The following MSH3 variants were observed in gnomAD, a reference collection of about 807,000 sequenced individuals.
MSH3 encodes DNA mismatch repair protein Msh3.
In MSH3, 106 loss-of-function variants were observed where a neutral mutation model predicts 123.3. The ratio of observed to expected loss-of-function variants is 0.86; its 90% CI spans 0.73 to 1.01. The LOEUF (loss-of-function observed/expected upper bound fraction) is 1.01. Ranked by LOEUF, MSH3 falls within the 50% of genes least tolerant of loss-of-function variation. The pLI is 0.00. For synonymous variants in MSH3, 515 were observed against 481.4 expected (o/e 1.07, Z -0.91); for missense variants, 1,459 against 1,347.6 (o/e 1.08, Z -1.29).
intron 2 of MSH3, among the ~76,000 whole-genome samples, chr5:80,661,847 T>C (rs1312356589): frequency 6.6e-6 from 1 of 152,252 alleles, no homozygotes; most frequent in South Asian, 2.1e-4. Flanking sequence ...CTTTGGTCTT[T>C]TTAAGGATTG....
rs989920539 is a variant in MSH3, at chr5:80,692,615, T to G, written c.1340+13522T>G. On this transcript the variant is annotated intron_variant, in intron 8 of 23. Coordinates refer to ENST00000265081, the MANE Select transcript of MSH3 (RefSeq NM_002439.5). ...ATGTATATGTTTATATAGATGAATA[T>G]ATATAAACATGTATATGTTTATATA... Among the ~76,000 whole-genome samples, 23 of 146,900 alleles carry G rather than the reference T, an allele frequency of 1.6e-4. No homozygotes were observed. The South Asian group carries it at 4.0e-3, about 25-fold the overall frequency.
intron 17 of MSH3, among the ~76,000 whole-genome samples, chr5:80,785,081 T>A (rs1018546544): frequency 6.6e-6 from 1 of 152,212 alleles, no homozygotes; most frequent in Non-Finnish European, 1.5e-5. Flanking sequence ...TAGTGTAATC[T>A]GGATATCTTT....
At chr5:80,733,800 A>G (rs1004000917) in intron 10 of MSH3, among the ~76,000 whole-genome samples, 2 of 152,176 alleles carry the variant, frequency 1.3e-5, no homozygotes, top group Admixed American at 6.5e-5. Flanking sequence ...TAGGATGGCT[A>G]TAACTAGGAA....
intron 10 of MSH3, among the ~76,000 whole-genome samples, chr5:80,729,430 ATGTGTGTG>A (rs71594671): frequency 1.3e-5 from 1 of 78,376 alleles, no homozygotes; most frequent in Non-Finnish European, 2.3e-5. Flanking sequence ...AAAAAAAAAA[ATGTGTGTG>A]TGTGTGTGTG....
At chr5:80,792,335 G>A (rs913344177) in intron 18 of MSH3, among the ~76,000 whole-genome samples, 51 of 151,896 alleles carry the variant, frequency 3.4e-4, no homozygotes, top group Non-Finnish European at 7.2e-4. Context: ...AGGAGCTTGA[G>A]GCTGTAGTGT....
chr5:80,654,923 CCCCCAGCTCCCGCCTTCCCG>C lies in MSH3; in HGVS notation c.205_224del (p.Pro69AlafsTer9). On this transcript the variant is annotated frameshift_variant, in exon 1 of 24. Transcript: ENST00000265081. LOFTEE classifies it high-confidence loss of function. ...CGCAGCGGCCGCAGCGCCCCCAGCG[CCCCCAGCTCCCGCCTTCCCG>C]CCCCAGCTGCCGCCGCACATAGTAG... 1 of 818,622 alleles carries C rather than the reference CCCCCAGCTCCCGCCTTCCCG, an allele frequency of 1.2e-6. No homozygotes were observed. Among genetic ancestry groups the C allele is most frequent in the Non-Finnish European group, 1.7e-6 (1 of 603,182 alleles). 50.7% of individuals were successfully genotyped at this position (818,622 alleles called of 1,614,324 possible). A position where few individuals can be genotyped will look rare whatever the true frequency, so the allele number is the denominator to read the frequency against.
At chr5:80,865,481 C>A (rs908012438) in intron 22 of MSH3, among the ~76,000 whole-genome samples, 7 of 151,860 alleles carry the variant, frequency 4.6e-5, no homozygotes, top group Non-Finnish European at 8.8e-5. Context: ...GAATTCACTT[C>A]TTCTGCTTCT....
chr5:80,771,970 G>A (rs1744220654), intron 15 of MSH3, among the ~76,000 whole-genome samples: 1 of 152,084 alleles, frequency 6.6e-6, no homozygotes, highest in South Asian at 2.1e-4. Context: ...TGTAATGAAC[G>A]TATGTATGAA....
chr5:80,712,745 A>G (rs5008507), intron 8 of MSH3, among the ~76,000 whole-genome samples: 2,090 of 149,718 alleles, frequency 0.014, 59 homozygotes, highest in East Asian at 0.1. Flanking sequence ...ATCTTTCACG[A>G]TGTGATCTGT....
intron 12 of MSH3, among the ~76,000 whole-genome samples, chr5:80,760,564 A>G (rs1338153624): frequency 6.6e-6 from 1 of 152,256 alleles, no homozygotes; most frequent in African/African-American, 2.4e-5. Context: ...CAGTTCAGCC[A>G]TCACCACCAC....
Position 80,725,491 on chromosome 5 carries a change from A to C in MSH3, c.1379A>C (p.Asn460Thr), listed in dbSNP as rs373930327. 5.6e-6 allele frequency: 9 copies of C among 1,613,914 alleles called. No individual in the cohort carries two copies. Among genetic ancestry groups the C allele is most frequent in the African/African-American group, 1.3e-5 (1 of 74,900 alleles). ...AGAATTCGAGTCGAAAGGATGGATA[A>C]CATTTATTTTGAATACAGCCATGCT... ...DDRIRVERMD[N>T]IYFEYSHAFQ... The change falls in exon 9 of 24, where the codon AAC becomes ACC. Residue 460 changes from asparagine (N) to threonine (T), a missense_variant. Physicochemically the swap from Asn to Thr is moderately conservative, Grantham distance 65 (BLOSUM62 0). Transcript: ENST00000265081.
chr5:80,874,306 C>T (rs4704687), intron 23 of MSH3, among the ~76,000 whole-genome samples: 12,219 of 152,204 alleles, frequency 0.08, 904 homozygotes, highest in East Asian at 0.33. Context: ...TTCCGCCTTG[C>T]ACTCCTCCAC....
Position 80,867,188 on chromosome 5 carries a change from A to C in MSH3, c.3130+2246A>C, listed in dbSNP as rs144267178. The stretch of plus-strand genomic sequence containing the variant: ...GCTCAGACAAAAGGATGCAGTATAT[A>C]TAATCCCATGTTCCATGACTTCCAG... On this transcript the variant is annotated intron_variant, in intron 22 of 23. Transcript: ENST00000265081. Among the ~76,000 whole-genome samples the C allele has an allele frequency of 3.9e-5, 6 of 152,362 alleles. No homozygotes were observed. The South Asian group carries it at 1.0e-3, about 26-fold the overall frequency.
intron 19 of MSH3, among the ~76,000 whole-genome samples, chr5:80,808,861 A>ATATATATATCTATCTATATATATATC (rs1744949705): frequency 9.7e-6 from 1 of 103,030 alleles, no homozygotes; most frequent in Non-Finnish European, 1.8e-5. Flanking sequence ...TCTTCTTCAT[A>ATATATATATCTATCTATATATATATC]TATATATATA....
chr5:80,766,849 A>T (rs2112883621), intron 13 of MSH3, among the ~76,000 whole-genome samples: 1 of 152,230 alleles, frequency 6.6e-6, no homozygotes, highest in African/African-American at 2.4e-5. Flanking sequence ...TACTACCCAG[A>T]GGTAACCAGA....
At position 80,718,690 on chromosome 5, in the gene MSH3, T is replaced by C. The variant is rs1751013715; in HGVS notation, c.1341-6763T>C. ...AGAAGAGGAAGAGAACTTTGTAGAT[T>C]CTATTTTTTCATTGGGAGGCATATA... On this transcript the variant is annotated intron_variant, in intron 8 of 23. Transcript: ENST00000265081. Among the ~76,000 whole-genome samples, 3 of 152,144 alleles carry C rather than the reference T, an allele frequency of 2.0e-5. No individual in the cohort carries two copies. The South Asian group carries it at 6.2e-4, about 32-fold the overall frequency.
chr5:80,774,376 AC>A (rs926617373), intron 15 of MSH3, among the ~76,000 whole-genome samples: 1 of 150,666 alleles, frequency 6.6e-6, no homozygotes, highest in Non-Finnish European at 1.5e-5. Context: ...TACTACCACT[AC>A]CACTGTGGAG....
At chr5:80,702,311 C>T (rs1322200544) in intron 8 of MSH3, among the ~76,000 whole-genome samples, 2 of 152,116 alleles carry the variant, frequency 1.3e-5, no homozygotes, top group Non-Finnish European at 2.9e-5. Flanking sequence ...GAATCCTGAA[C>T]ACACCATGTG....
rs551060354 is a variant in MSH3, at chr5:80,661,214, G to A, written c.359-3929G>A. Among the ~76,000 whole-genome samples, 4 of 152,170 alleles carry A rather than the reference G, an allele frequency of 2.6e-5. No homozygotes were observed. In the East Asian group the frequency reaches 7.7e-4, roughly 29 times the overall value. On this transcript the variant is annotated intron_variant, in intron 2 of 23. Coordinates refer to ENST00000265081, the MANE Select transcript of MSH3 (RefSeq NM_002439.5). ...CTTATTAAATGTGGGAAACTTTTTT[G>A]GTTGTTATTGTTTCACATTTTTTCT...
Sources: allele counts gnomAD v4.1 joint callset (sites outside exome capture counted in the v4.1 genomes callset), GRCh38; gene constraint gnomAD v4.1.1; transcripts MANE v1.5; gene names NCBI Gene and HGNC (gene_info 2026-07-23, HGNC 2026-07-21).